The following CCDC175 variants were observed in gnomAD, a reference collection of about 807,000 sequenced individuals.
The protein encoded by CCDC175 is coiled-coil domain-containing protein 175.
CCDC175 carries 100 observed loss-of-function variants against 114.6 expected under a neutral mutation model. That is an observed-to-expected ratio of 0.87 (90% CI 0.74 to 1.03). The LOEUF (loss-of-function observed/expected upper bound fraction) is 1.03. CCDC175 is among the 50% of genes least tolerant of loss of function. The pLI, the probability that CCDC175 is intolerant of heterozygous loss-of-function variation, is 0.00. For missense variants in CCDC175, 880 were observed against 917.8 expected (o/e 0.96, Z 0.53); for synonymous variants, 306 against 308.7 (o/e 0.99, Z 0.09).
rs577958556 is a variant in CCDC175 at position 59,555,959 on chromosome 14, TAA to T, written c.954-4525_954-4524del. ...AACTACAAACCACTGCTCAACGAAATAAAAGAGGACACAAACAAATGGAAGAA... is the reference window on the plus strand; with the variant it reads ...AACTACAAACCACTGCTCAACGAAATAAGAGGACACAAACAAATGGAAGAA... On this transcript the variant is annotated intron_variant, in intron 7 of 19. Transcript: ENST00000537690. Among the ~76,000 whole-genome samples, 501 of 152,080 alleles carry T rather than the reference TAA, an allele frequency of 3.3e-3. 2 individuals carry two copies. The highest frequency in any genetic ancestry group is 0.012 in the African/African-American group (480 of 41,434).
chr14:59,561,240 TAAAC>T lies in CCDC175; in HGVS notation c.844-16_844-13del. ...TGATCACTAAGAACCTATTAAAAAT[TAAAC>T]AAAAATATGGCATCCAATCATCACC... On this transcript the variant is annotated splice_polypyrimidine_tract_variant and intron_variant, in intron 6 of 19. Transcript: ENST00000537690. The T allele has an allele frequency of 7.0e-7, 1 of 1,424,158 alleles. No homozygotes were observed. Among genetic ancestry groups the T allele is most frequent in the Non-Finnish European group, 9.6e-7 (1 of 1,046,472 alleles). 88.2% of individuals were successfully genotyped at this position (1,424,158 alleles called of 1,614,324 possible).
intron 8 of CCDC175, among the ~76,000 whole-genome samples, chr14:59,547,581 C>T (rs1436625016): frequency 6.6e-6 from 1 of 152,114 alleles, no homozygotes; most frequent in Non-Finnish European, 1.5e-5. Flanking sequence ...AATAGTATGA[C>T]CACAATGTAG....
At chr14:59,510,501 T>C (rs1381068695) in intron 19 of CCDC175, 145 bp downstream of exon 19, 1 of 797,256 alleles carries the variant, frequency 1.3e-6, no homozygotes, top group African/African-American at 1.7e-5. Context: ...CCCAAATAAG[T>C]ATCAATGTTC....
At chr14:59,517,797 C>G (rs1893189579) in intron 17 of CCDC175, among the ~76,000 whole-genome samples, 1 of 152,164 alleles carries the variant, frequency 6.6e-6, no homozygotes, top group Admixed American at 6.5e-5. Flanking sequence ...CAATGACTTT[C>G]TTCACAGAAT....
intron 16 of CCDC175, among the ~76,000 whole-genome samples, chr14:59,522,040 C>G (rs1221708478): frequency 6.6e-6 from 1 of 152,244 alleles, no homozygotes; most frequent in Admixed American, 6.5e-5. Flanking sequence ...TGCTGCCAGA[C>G]TGGCATTCAG....
intron 17 of CCDC175, among the ~76,000 whole-genome samples, chr14:59,514,843 C>T (rs1462448695): frequency 2.0e-5 from 3 of 152,112 alleles, no homozygotes; most frequent in Non-Finnish European, 4.4e-5. Context: ...TCCAGAAGAG[C>T]AACTCCAAGA....
chr14:59,551,346 C>T lies in CCDC175; in HGVS notation c.1035+9G>A. ...TATAATGTAAAAGTCATGACTTCTGCCTTCTTACCTGTTTTATCTTGTTCA... is the reference window on the plus strand; with the variant it reads ...TATAATGTAAAAGTCATGACTTCTGTCTTCTTACCTGTTTTATCTTGTTCA... On this transcript the variant is annotated intron_variant, in intron 8 of 19. Coordinates refer to ENST00000537690, the MANE Select transcript of CCDC175 (RefSeq NM_001164399.2). 2 of 1,231,906 alleles carry T rather than the reference C, an allele frequency of 1.6e-6. No homozygotes were observed. The highest frequency in any genetic ancestry group is 2.2e-6 in the Non-Finnish European group (2 of 914,720). 76.3% of individuals were successfully genotyped at this position (1,231,906 alleles called of 1,614,324 possible). A position where few individuals can be genotyped will look rare whatever the true frequency, so the allele number is the denominator to read the frequency against.
At chr14:59,542,673 T>C (rs1894854952) in intron 10 of CCDC175, among the ~76,000 whole-genome samples, 1 of 152,130 alleles carries the variant, frequency 6.6e-6, no homozygotes, top group Non-Finnish European at 1.5e-5. Context: ...ATATATATTC[T>C]CTTTGTTTTG....
At chr14:59,567,275 C>G (rs1269241543) in intron 4 of CCDC175, among the ~76,000 whole-genome samples, 2 of 152,212 alleles carry the variant, frequency 1.3e-5, no homozygotes, top group Non-Finnish European at 2.9e-5. Flanking sequence ...TGTGGTATTT[C>G]TCAAACTTAT....
At chr14:59,558,163 G>C (rs1039597568) in intron 7 of CCDC175, among the ~76,000 whole-genome samples, 2 of 152,166 alleles carry the variant, frequency 1.3e-5, no homozygotes, top group South Asian at 4.1e-4. Flanking sequence ...GCAGGAAAAA[G>C]CTTGGTGTGT....
chr14:59,522,892 A>G (rs1415369637), intron 16 of CCDC175, among the ~76,000 whole-genome samples: 1 of 152,182 alleles, frequency 6.6e-6, no homozygotes, highest in Non-Finnish European at 1.5e-5. Flanking sequence ...TGAGCTTCCA[A>G]AGGGCTGCGG....
intron 7 of CCDC175, among the ~76,000 whole-genome samples, chr14:59,552,560 C>G (rs1274361895): frequency 2.6e-5 from 4 of 152,088 alleles, no homozygotes; most frequent in African/African-American, 9.7e-5. Flanking sequence ...AATCAGAGCA[C>G]CTCCCCCCCT....
In CCDC175 at chr14:59,574,646, G is replaced by C. The variant is rs1440306598; in HGVS notation, c.243+297C>G. On this transcript the variant is annotated intron_variant, in intron 2 of 19. Transcript: ENST00000537690. ...TGGTGTCCCAAGCATTTGCCCATGT[G>C]GTCCACCTCTTAACTGAACCGTATT... is the stretch of plus-strand genomic sequence containing the variant. Among the ~76,000 whole-genome samples, 10 of 152,110 alleles carry C rather than the reference G, an allele frequency of 6.6e-5. No homozygotes were observed. The East Asian group carries it at 1.9e-3, about 29-fold the overall frequency.
At chr14:59,564,928 G>A (rs1040033807) in intron 5 of CCDC175, 119 bp downstream of exon 5, 8 of 737,284 alleles carry the variant, frequency 1.1e-5, no homozygotes, top group Non-Finnish European at 1.7e-5. Flanking sequence ...TTCCCAGCGC[G>A]TTCACAGAAG....
intron 7 of CCDC175, among the ~76,000 whole-genome samples, chr14:59,556,812 A>G (rs1895927683): frequency 6.6e-6 from 1 of 152,254 alleles, no homozygotes. Flanking sequence ...AAAGTATATG[A>G]ACAGACACTT....
intron 7 of CCDC175, among the ~76,000 whole-genome samples, chr14:59,551,808 ACCAGGAGATTATAT>A (rs1409543935): frequency 6.6e-6 from 1 of 152,214 alleles, no homozygotes; most frequent in African/African-American, 2.4e-5. Context: ...CAAACGGCAC[ACCAGGAGATTATAT>A]CCCGCGCATG....
intron 8 of CCDC175, among the ~76,000 whole-genome samples, chr14:59,549,454 A>G (rs771767891): frequency 3.3e-5 from 5 of 152,206 alleles, no homozygotes; most frequent in Admixed American, 2.6e-4. Context: ...TTGAGGCTAT[A>G]GTGATTTGTG....
chr14:59,526,528 C>T (rs1011148825), intron 15 of CCDC175, among the ~76,000 whole-genome samples: 1 of 150,196 alleles, frequency 6.7e-6, no homozygotes, highest in African/African-American at 2.5e-5. Flanking sequence ...TGCACTCGAG[C>T]CTGGGCAACA....
rs57752515 is a variant in CCDC175, at chr14:59,555,243, GCA to G, written c.954-3809_954-3808del. Reference sequence around the variant, plus strand: ...AAATACTGGCAAACCGAATCCAGCAGCACATCAAAAAGCTATTCCACCATGAT... The same window carrying G: ...AAATACTGGCAAACCGAATCCAGCAGCATCAAAAAGCTATTCCACCATGAT... On this transcript the variant is annotated intron_variant, in intron 7 of 19. Transcript: ENST00000537690. 1.5e-3 allele frequency among the ~76,000 whole-genome samples: 230 copies of G among 152,300 alleles called. 2 individuals are homozygous for G. Among genetic ancestry groups the G allele is most frequent in the African/African-American group, 5.4e-3 (223 of 41,566 alleles).
Sources: gnomAD v4.1 joint callset for allele counts (sites outside exome capture counted in the v4.1 genomes callset) on GRCh38, gnomAD v4.1.1 for gene constraint, MANE v1.5 for transcripts, NCBI Gene and HGNC (gene_info 2026-07-23, HGNC 2026-07-21) for gene names.